The following EML1 variants were observed in gnomAD, a reference collection of about 807,000 sequenced individuals.
The protein encoded by EML1 is echinoderm microtubule-associated protein-like 1.
In EML1, 27 loss-of-function variants were observed where a neutral mutation model predicts 110.4. The observed-to-expected ratio is 0.24, with a 90% CI of 0.18 to 0.34. The LOEUF (loss-of-function observed/expected upper bound fraction) is 0.34. EML1 is among the 10% of genes least tolerant of loss of function. EML1 has a pLI of 1.00. For missense variants in EML1, 741 were observed against 1,030.9 expected (o/e 0.72, Z 3.85); for synonymous variants, 344 against 385.8 (o/e 0.89, Z 1.27).
chr14:99,906,561 A>G (rs1055662999), intron 9 of EML1, among the ~76,000 whole-genome samples: 8 of 152,194 alleles, frequency 5.3e-5, no homozygotes, highest in African/African-American at 1.9e-4. Context: ...GGATTTAGCC[A>G]GCTTCTTTAC....
In EML1 at chr14:99,781,468, G is replaced by T. The variant is rs2057539111; in HGVS notation, c.-27+7455G>T. Among the ~76,000 whole-genome samples the T allele has an allele frequency of 6.6e-6, 1 of 152,160 alleles. No homozygotes were observed. Among genetic ancestry groups the T allele is most frequent in the Non-Finnish European group, 1.5e-5 (1 of 68,036 alleles). Reference sequence around the variant, plus strand: ...TCTCTTGGCTTCTTCTGCATCCGCAGTGTGGTCTGGCGGGCCAGTTCCCCA... The same window carrying T: ...TCTCTTGGCTTCTTCTGCATCCGCATTGTGGTCTGGCGGGCCAGTTCCCCA... On this transcript the variant is annotated intron_variant, in intron 1 of 22. Coordinates refer to the EML1 transcript ENST00000327921. The surrounding 1 kb of genome is among the most constrained non-coding windows in gnomAD (Gnocchi z 4.2).
At chr14:99,747,899 T>C (rs1177679361) in intron 1 of EML1, among the ~76,000 whole-genome samples, 1 of 152,210 alleles carries the variant, frequency 6.6e-6, no homozygotes, top group African/African-American at 2.4e-5. Context: ...CTGGACTTTC[T>C]TCCTTTTCTT....
intron 2 of EML1, among the ~76,000 whole-genome samples, chr14:99,861,469 A>C (rs2059002507): frequency 6.6e-6 from 1 of 152,204 alleles, no homozygotes; most frequent in Non-Finnish European, 1.5e-5. Flanking sequence ...TTCTATGATG[A>C]ACAAAATCTG....
intron 1 of EML1, chr14:99,850,056 A>G (rs981889539): frequency 1.8e-5 from 6 of 338,676 alleles, no homozygotes; most frequent in Admixed American, 7.8e-5. Context: ...CAGCCTCCTG[A>G]GTAGCTGGTA....
chr14:99,909,894 G>A (rs972015105), intron 11 of EML1, among the ~76,000 whole-genome samples: 1 of 152,148 alleles, frequency 6.6e-6, no homozygotes, highest in African/African-American at 2.4e-5. Flanking sequence ...GGCTTGTTTC[G>A]AGGACCCCTT....
chr14:99,785,818 C>T (rs1263252211), intron 1 of EML1, among the ~76,000 whole-genome samples: 3 of 151,988 alleles, frequency 2.0e-5, no homozygotes, highest in East Asian at 1.9e-4. Flanking sequence ...GCTGGGTGAA[C>T]GAACGGTTGG....
intron 2 of EML1, among the ~76,000 whole-genome samples, chr14:99,863,067 C>A (rs1459676809): frequency 6.6e-6 from 1 of 152,176 alleles, no homozygotes; most frequent in Non-Finnish European, 1.5e-5. Context: ...TATCCATCAC[C>A]TCCCTCTCCA....
At chr14:99,927,837 GTGGTGGTGA>G (rs1295024809) in intron 17 of EML1, among the ~76,000 whole-genome samples, 2 of 77,156 alleles carry the variant, frequency 2.6e-5, no homozygotes, top group Admixed American at 1.3e-4. Flanking sequence ...GGTGGTATTG[GTGGTGGTGA>G]TGGTGGTGGT....
chr14:99,859,928 A>T (rs2058972987), intron 2 of EML1, among the ~76,000 whole-genome samples: 1 of 152,184 alleles, frequency 6.6e-6, no homozygotes, highest in Non-Finnish European at 1.5e-5. Flanking sequence ...GGTGTCTACT[A>T]TGTGCCGGGC....
chr14:99,793,217 C>G, upstream of EML1: 1 of 508,694 alleles, frequency 2.0e-6, no homozygotes, highest in Non-Finnish European at 2.5e-6. Context: ...GGAGGCTCGG[C>G]CCCGCCCCGC....
At chr14:99,787,780 T>TC (rs886595380) in intron 1 of EML1, among the ~76,000 whole-genome samples, 30 of 149,380 alleles carry the variant, frequency 2.0e-4, no homozygotes, top group African/African-American at 7.6e-4. Flanking sequence ...CCCTGTGTCT[T>TC]CACTTTATCT....
intron 2 of EML1, among the ~76,000 whole-genome samples, chr14:99,852,583 T>A (rs1409737127): frequency 6.6e-6 from 1 of 152,214 alleles, no homozygotes; most frequent in Non-Finnish European, 1.5e-5. Flanking sequence ...TCCAGCCGGG[T>A]GACAGAGCAA....
At chr14:99,825,967 T>C (rs950980986) in intron 1 of EML1, among the ~76,000 whole-genome samples, 2 of 152,196 alleles carry the variant, frequency 1.3e-5, no homozygotes, top group African/African-American at 4.8e-5. Flanking sequence ...CCGAGATCCA[T>C]GCTTACCACT....
intron 3 of EML1, among the ~76,000 whole-genome samples, chr14:99,866,369 G>A (rs888922364): frequency 4.6e-5 from 7 of 152,020 alleles, no homozygotes; most frequent in African/African-American, 9.7e-5. Flanking sequence ...TCAGGAGTTC[G>A]AGACCAGCCT....
intron 1 of EML1, among the ~76,000 whole-genome samples, chr14:99,745,415 C>T (rs975815806): frequency 1.3e-5 from 2 of 152,136 alleles, no homozygotes; most frequent in Non-Finnish European, 1.5e-5. Context: ...CACACACACA[C>T]GCACACACTA....
intron 1 of EML1, among the ~76,000 whole-genome samples, chr14:99,739,046 G>A (rs1167935521): frequency 6.6e-6 from 1 of 151,450 alleles, no homozygotes; most frequent in East Asian, 2.0e-4. Flanking sequence ...ATTTGGAACA[G>A]AGCAAGTGAG....
At chr14:99,908,696 T>G (rs924170062) in intron 10 of EML1, among the ~76,000 whole-genome samples, 1 of 152,164 alleles carries the variant, frequency 6.6e-6, no homozygotes, top group Admixed American at 6.5e-5. Flanking sequence ...GGGTGTGGGC[T>G]GAAGGTGGCG....
intron 1 of EML1, among the ~76,000 whole-genome samples, chr14:99,801,532 G>C (rs546347862): frequency 2.0e-5 from 3 of 151,832 alleles, no homozygotes; most frequent in Non-Finnish European, 4.4e-5. Flanking sequence ...GGAGAATGGC[G>C]TGAACCCGGG....
intron 1 of EML1, among the ~76,000 whole-genome samples, chr14:99,780,352 C>T (rs1327799015): frequency 1.3e-5 from 2 of 152,082 alleles, no homozygotes; most frequent in African/African-American, 4.8e-5. Flanking sequence ...ATTCCTAAGC[C>T]TTTGGGGGTT....
Sources: gnomAD v4.1 joint callset for allele counts (sites outside exome capture counted in the v4.1 genomes callset) on GRCh38, gnomAD v4.1.1 for gene constraint, Gnocchi (gnomAD v3.1) non-coding constraint, MANE v1.5 for transcripts, NCBI Gene and HGNC (gene_info 2026-07-23, HGNC 2026-07-21) for gene names.